The following SAMMSON variants were observed in gnomAD, a reference collection of about 807,000 sequenced individuals.
The protein encoded by SAMMSON is survival associated mitochondrial melanoma specific oncogenic non-coding RNA.
intron 4 of SAMMSON, among the ~76,000 whole-genome samples, chr3:70,248,637 A>G (rs1416872642): frequency 6.6e-6 from 1 of 152,170 alleles, no homozygotes; most frequent in African/African-American, 2.4e-5. Flanking sequence ...AGGCTTTTAC[A>G]ATCAACAGTA....
At chr3:70,377,140 A>G (rs988931381) in intron 9 of SAMMSON, among the ~76,000 whole-genome samples, 1 of 152,124 alleles carries the variant, frequency 6.6e-6, no homozygotes, top group Non-Finnish European at 1.5e-5. Flanking sequence ...GAAAGAGTGA[A>G]ATTTAAAAGG....
chr3:70,375,024 C>T (rs557859676), intron 9 of SAMMSON, among the ~76,000 whole-genome samples: 11 of 152,070 alleles, frequency 7.2e-5, no homozygotes, highest in Middle Eastern at 3.4e-3. Flanking sequence ...TCACAGGGCC[C>T]GTATGTTATA....
At chr3:70,290,612 T>C (rs946786318) in intron 6 of SAMMSON, among the ~76,000 whole-genome samples, 12 of 152,248 alleles carry the variant, frequency 7.9e-5, no homozygotes, top group Non-Finnish European at 1.6e-4. Context: ...CGGGCTGTTT[T>C]GATTACCTCA....
chr3:70,263,902 G>A (rs1425493820), intron 6 of SAMMSON, among the ~76,000 whole-genome samples: 1 of 152,064 alleles, frequency 6.6e-6, no homozygotes, highest in East Asian at 1.9e-4. Context: ...TCCTGCAATT[G>A]CTGTTGTCCA....
intron 7 of SAMMSON, among the ~76,000 whole-genome samples, chr3:70,322,832 A>G (rs1702547423): frequency 6.6e-6 from 1 of 152,162 alleles, no homozygotes; most frequent in Non-Finnish European, 1.5e-5. Context: ...AAAGAATATC[A>G]GTGTGTCCCT....
intron 3 of SAMMSON, chr3:70,014,108 G>C (rs1264684957): frequency 6.6e-6 from 1 of 152,112 alleles, no homozygotes; most frequent in African/African-American, 2.4e-5. Context: ...GGCCATCTCT[G>C]CCCTCATGGC....
At position 70,240,293 on chromosome 3, in the gene SAMMSON, A is replaced by T. The variant is rs569259335; in HGVS notation, n.508-8814A>T. Among the ~76,000 whole-genome samples, 82 of 152,208 alleles carry T rather than the reference A, an allele frequency of 5.4e-4. 1 individual carries two copies. The highest frequency in any genetic ancestry group is 1.0e-3 in the Non-Finnish European group (69 of 67,996). ...TCCTATATTATCTCATCTTGGGGAAAAAAAACAGTAGCTAAGCCAGAAACA... is the reference window on the plus strand; with the variant it reads ...TCCTATATTATCTCATCTTGGGGAATAAAAACAGTAGCTAAGCCAGAAACA... On this transcript the variant is annotated intron_variant and non_coding_transcript_variant, in intron 4 of 9. Coordinates refer to ENST00000642114, the Ensembl canonical transcript of SAMMSON.
intron 3 of SAMMSON, chr3:70,015,098 G>A (rs923281392): frequency 1.3e-5 from 2 of 152,188 alleles, no homozygotes; most frequent in African/African-American, 2.4e-5. Flanking sequence ...GGCCAACACG[G>A]TGAAACCCTG....
chr3:70,055,238 A>G (rs1230147449), intron 3 of SAMMSON, among the ~76,000 whole-genome samples: 2 of 152,120 alleles, frequency 1.3e-5, no homozygotes, highest in East Asian at 3.9e-4. Flanking sequence ...GGAGGAATAT[A>G]TACATATTTA....
At chr3:70,226,760 T>C (rs1575601600) in intron 4 of SAMMSON, among the ~76,000 whole-genome samples, 1 of 142,608 alleles carries the variant, frequency 7.0e-6, no homozygotes, top group African/African-American at 2.6e-5. Flanking sequence ...AAAAAAATAG[T>C]GTGCAATTTC....
chr3:70,251,674 A>G (rs980045874), intron 6 of SAMMSON, among the ~76,000 whole-genome samples: 1 of 152,162 alleles, frequency 6.6e-6, no homozygotes, highest in Non-Finnish European at 1.5e-5. Context: ...TAATATTGCC[A>G]TTACTTTTAA....
At chr3:70,016,495 C>G (rs947345552) in intron 3 of SAMMSON, among the ~76,000 whole-genome samples, 1 of 152,044 alleles carries the variant, frequency 6.6e-6, no homozygotes, top group African/African-American at 2.4e-5. Flanking sequence ...AGCCCTTTGT[C>G]AGATGAGTAG....
chr3:70,410,562 A>C (rs536576911), intron 2 of SAMMSON, among the ~76,000 whole-genome samples: 2 of 152,224 alleles, frequency 1.3e-5, no homozygotes, highest in Non-Finnish European at 2.9e-5. Context: ...GAAACACTGG[A>C]TTAATGAAGG....
In SAMMSON at chr3:70,250,389, G is replaced by A. The variant is rs1450971847; in HGVS notation, n.674+719G>A. Among the ~76,000 whole-genome samples, 14 of 146,234 alleles carry A rather than the reference G, an allele frequency of 9.6e-5. No individual in the cohort carries two copies. The Admixed American group carries it at 9.6e-4, about 10-fold the overall frequency. ...GTTTTTATTGTTATTGACAATATTC[G>A]GTATTTTTCTTTTAATGAATCTCAC... is the stretch of plus-strand genomic sequence containing the variant. On this transcript the variant is annotated intron_variant and non_coding_transcript_variant, in intron 6 of 9. Coordinates refer to ENST00000642114, the Ensembl canonical transcript of SAMMSON.
chr3:70,011,604 CTTTT>C (rs78695967), intron 1 of SAMMSON, among the ~76,000 whole-genome samples: 1 of 134,786 alleles, frequency 7.4e-6, no homozygotes. Flanking sequence ...GAAGAGTTTA[CTTTT>C]TTTTTTTTTT....
chr3:70,373,337 A>G (rs1188590672), intron 9 of SAMMSON, among the ~76,000 whole-genome samples: 1 of 152,092 alleles, frequency 6.6e-6, no homozygotes, highest in African/African-American at 2.4e-5. Context: ...TTGATGATAA[A>G]TCTGCTATCA....
intron 4 of SAMMSON, among the ~76,000 whole-genome samples, chr3:70,084,309 C>A (rs28454035): frequency 6.6e-6 from 1 of 152,030 alleles, no homozygotes; most frequent in Non-Finnish European, 1.5e-5. Flanking sequence ...GGTAAAGTGG[C>A]GAACAAGAAT....
At chr3:70,057,657 A>AGTGTGT (rs35757148) in intron 3 of SAMMSON, among the ~76,000 whole-genome samples, 2,582 of 148,966 alleles carry the variant, frequency 0.017, 75 homozygotes, top group African/African-American at 0.059. Context: ...TATATGGATG[A>AGTGTGT]GTGTGTGTGT....
chr3:70,140,171 C>T, intron 4 of SAMMSON: 1 of 157,508 alleles, frequency 6.3e-6, no homozygotes. Context: ...GGATTAGGTG[C>T]CGCTGTTGCT....
Sources: gnomAD v4.1 joint callset for allele counts (sites outside exome capture counted in the v4.1 genomes callset) on GRCh38, gnomAD v4.1.1 for gene constraint, MANE v1.5 for transcripts, NCBI Gene and HGNC (gene_info 2026-07-23, HGNC 2026-07-21) for gene names.